The following JMJD1C variants were observed in gnomAD, a reference collection of about 807,000 sequenced individuals.
JMJD1C encodes jumonji domain containing 1C.
In JMJD1C, 31 loss-of-function variants were observed where a neutral mutation model predicts 245.3. The ratio of observed to expected loss-of-function variants is 0.13; its 90% confidence interval spans 0.09 to 0.17. JMJD1C has a LOEUF of 0.17. Ranked by LOEUF, JMJD1C falls within the 10% of genes least tolerant of loss-of-function variation. JMJD1C has a pLI of 1.00. For missense variants in JMJD1C, 2,691 were observed against 3,000.2 expected, an observed-to-expected ratio of 0.90 and a Z score of 2.41; for synonymous variants, 1,057 against 1,017.4, an observed-to-expected ratio of 1.04 and a Z score of -0.74.
intron 24 of JMJD1C, among the ~76,000 whole-genome samples, chr10:63,173,159 CAAAAGAAAAACATTAA>C (rs1842541728): frequency 6.6e-6 from 1 of 151,902 alleles, no homozygotes; most frequent in Admixed American, 6.6e-5. Flanking sequence ...ATTACATTTT[CAAAAGAAAAACATTAA>C]AAAGTAGTAT....
In JMJD1C at chr10:63,508,102, T is replaced by C. The variant is rs574975914; in HGVS notation, n.113+13636A>G. Among the ~76,000 whole-genome samples the C allele has an allele frequency of 2.6e-5, 4 of 152,348 alleles. No homozygotes were observed. The South Asian group carries it at 6.2e-4, about 24-fold the overall frequency. On this transcript the variant is annotated intron_variant and non_coding_transcript_variant, in intron 1 of 3. Coordinates refer to the JMJD1C transcript ENST00000633035. Reference sequence around the variant, plus strand: ...AATGAAATTCCAGCTTATCAAGTCTTATCAATGACTTTCTAGATACTACAC... The same window carrying C: ...AATGAAATTCCAGCTTATCAAGTCTCATCAATGACTTTCTAGATACTACAC...
At chr10:63,465,410 G>C in intron 1 of JMJD1C, 85 bp downstream of exon 1, 5 of 1,343,236 alleles carry the variant, frequency 3.7e-6, no homozygotes, top group Non-Finnish European at 5.0e-6. Flanking sequence ...GGCTGAGCGA[G>C]GCGCCAGAGG....
chr10:63,491,953 G>A (rs923762561), intron 1 of JMJD1C, among the ~76,000 whole-genome samples: 1 of 152,234 alleles, frequency 6.6e-6, no homozygotes, highest in Non-Finnish European at 1.5e-5. Context: ...GGGGCAGAGC[G>A]GGGGGAATGC....
chr10:63,236,621 A>C (rs953887314), intron 3 of JMJD1C, among the ~76,000 whole-genome samples: 2 of 152,184 alleles, frequency 1.3e-5, no homozygotes, highest in Non-Finnish European at 2.9e-5. Flanking sequence ...AGCTTCCTCA[A>C]ACTTAAACTG....
In JMJD1C at chr10:63,338,726, G is replaced by A. The variant is rs531533177; in HGVS notation, c.333+41592C>T. Among the ~76,000 whole-genome samples, 16 of 126,026 alleles carry A rather than the reference G, an allele frequency of 1.3e-4. No homozygotes were observed. The East Asian group carries it at 3.8e-3, about 30-fold the overall frequency. The allele number at this position is 126,026 out of a possible 152,430, so 82.7% of individuals were successfully genotyped here. On this transcript the variant is annotated intron_variant, in intron 2 of 25. Transcript: ENST00000399262. ...TGCAATGGTGCAATCTCAGCTCACC[G>A]CAACCTCTGCCTCCTGGGTTCAAGC...
chr10:63,459,732 A>G (rs975269921), intron 1 of JMJD1C, among the ~76,000 whole-genome samples: 2 of 152,204 alleles, frequency 1.3e-5, no homozygotes, highest in African/African-American at 4.8e-5. Context: ...CATTATTCAA[A>G]AAGAGTGGAA....
At chr10:63,258,479 C>G (rs1273975360) in intron 3 of JMJD1C, among the ~76,000 whole-genome samples, 1 of 152,208 alleles carries the variant, frequency 6.6e-6, no homozygotes, top group Non-Finnish European at 1.5e-5. Flanking sequence ...TGACCCCACA[C>G]CATGTGTATC....
chr10:63,212,275 T>C (rs1209475556), intron 8 of JMJD1C, among the ~76,000 whole-genome samples: 1 of 152,172 alleles, frequency 6.6e-6, no homozygotes, highest in Non-Finnish European at 1.5e-5. Context: ...TACTGAACTG[T>C]ACACTTAAAA....
chr10:63,359,919 A>G (rs1295559492), intron 2 of JMJD1C, among the ~76,000 whole-genome samples: 4 of 152,182 alleles, frequency 2.6e-5, no homozygotes, highest in African/African-American at 9.7e-5. Context: ...CAGTCAGTGT[A>G]GCATTTAAAA....
chr10:63,463,153 TTTC>T (rs1470982877), intron 1 of JMJD1C, among the ~76,000 whole-genome samples: 1 of 152,100 alleles, frequency 6.6e-6, no homozygotes, highest in Non-Finnish European at 1.5e-5. Flanking sequence ...TTCCATATAC[TTTC>T]TTTTTACATA....
chr10:63,393,030 GC>G (rs1948202992), intron 1 of JMJD1C, among the ~76,000 whole-genome samples: 1 of 151,904 alleles, frequency 6.6e-6, no homozygotes, highest in African/African-American at 2.4e-5. Flanking sequence ...ACTTCCAGAG[GC>G]CAAGTTAGGG....
chr10:63,380,571 TG>T, intron 1 of JMJD1C, 89 bp from the exon 2 acceptor site: 1 of 989,286 alleles, frequency 1.0e-6, no homozygotes, highest in Non-Finnish European at 1.5e-6. Context: ...TACATATTTA[TG>T]GGGTACATAT....
At chr10:63,395,020 A>C (rs951387138) in intron 1 of JMJD1C, among the ~76,000 whole-genome samples, 4 of 152,174 alleles carry the variant, frequency 2.6e-5, no homozygotes, top group Non-Finnish European at 5.9e-5. Flanking sequence ...AACTCAATAA[A>C]AGAAAATTAA....
chr10:63,227,198 A>G (rs1021490636), intron 3 of JMJD1C, among the ~76,000 whole-genome samples: 1 of 152,220 alleles, frequency 6.6e-6, no homozygotes, highest in Non-Finnish European at 1.5e-5. Flanking sequence ...ATAAAACATA[A>G]GCTCAGAACA....
chr10:63,249,207 T>G (rs568354913), intron 3 of JMJD1C, among the ~76,000 whole-genome samples: 1 of 152,134 alleles, frequency 6.6e-6, no homozygotes, highest in South Asian at 2.1e-4. Context: ...TCCCAGCTAC[T>G]CAGAAGGCTG....
At chr10:63,352,028 C>T (rs937004580) in intron 2 of JMJD1C, among the ~76,000 whole-genome samples, 3 of 152,096 alleles carry the variant, frequency 2.0e-5, no homozygotes, top group Admixed American at 2.0e-4. Context: ...CCATCTCATC[C>T]TAGTAAGGAG....
intron 2 of JMJD1C, among the ~76,000 whole-genome samples, chr10:63,337,060 C>G (rs1030877127): frequency 1.3e-5 from 2 of 151,988 alleles, no homozygotes; most frequent in African/African-American, 4.8e-5. Flanking sequence ...AGGCTCGTCT[C>G]AAGCTCCTGA....
At chr10:63,408,719 T>C (rs1218524791) in intron 1 of JMJD1C, among the ~76,000 whole-genome samples, 1 of 151,906 alleles carries the variant, frequency 6.6e-6, no homozygotes, top group African/African-American at 2.4e-5. Flanking sequence ...GGTGGTTTTT[T>C]TTTTTTTAAA....
intron 1 of JMJD1C, among the ~76,000 whole-genome samples, chr10:63,509,052 T>C (rs185165477): frequency 6.6e-6 from 1 of 152,350 alleles, no homozygotes; most frequent in East Asian, 1.9e-4. Flanking sequence ...AACTATGATA[T>C]TAGCTGTAGG....
Sources: gnomAD v4.1 joint callset for allele counts (sites outside exome capture counted in the v4.1 genomes callset) on GRCh38, gnomAD v4.1.1 for gene constraint, MANE v1.5 for transcripts, NCBI Gene and HGNC (gene_info 2026-07-23, HGNC 2026-07-21) for gene names.